Variants in STX8 observed in about 807,000 individuals in gnomAD.
STX8 encodes syntaxin-8.
A neutral mutation model predicts 37.5 loss-of-function variants in STX8; 23 were observed. That is an observed-to-expected ratio of 0.61 (90% CI 0.44 to 0.87). The LOEUF (loss-of-function observed/expected upper bound fraction) is 0.87. Ranked by LOEUF, STX8 falls within the 40% of genes least tolerant of loss-of-function variation. The pLI is 0.00. For synonymous variants in STX8, 115 were observed against 99.1 expected, an observed-to-expected ratio of 1.16 and a Z score of -0.95; for missense variants, 313 against 284.7, an observed-to-expected ratio of 1.10 and a Z score of -0.71.
intron 6 of STX8, among the ~76,000 whole-genome samples, chr17:9,442,867 T>C (rs1904717581): frequency 6.6e-6 from 1 of 152,170 alleles, no homozygotes; most frequent in African/African-American, 2.4e-5. Context: ...CCTAAGAACG[T>C]GTGAGATATC....
chr17:9,311,713 C>G (rs1354572084), intron 7 of STX8, among the ~76,000 whole-genome samples: 1 of 152,200 alleles, frequency 6.6e-6, no homozygotes, highest in Non-Finnish European at 1.5e-5. Context: ...GTTTCTTCAT[C>G]TGCGAATGTG....
At chr17:9,360,754 C>T (rs12936502) in intron 7 of STX8, among the ~76,000 whole-genome samples, 42,930 of 151,304 alleles carry the variant, frequency 0.28, 6,573 homozygotes, top group Middle Eastern at 0.37. Context: ...CGGGCTGTTT[C>T]GAGCGTGAAT....
At chr17:9,296,757 A>G (rs1327136850) in intron 7 of STX8, among the ~76,000 whole-genome samples, 1 of 152,156 alleles carries the variant, frequency 6.6e-6, no homozygotes, top group African/African-American at 2.4e-5. Context: ...GCCATGCAGT[A>G]TGATTTTAAT....
chr17:9,299,634 A>G (rs1908696048), intron 7 of STX8, among the ~76,000 whole-genome samples: 1 of 151,860 alleles, frequency 6.6e-6, no homozygotes, highest in Admixed American at 6.6e-5. Context: ...TAGTAGAGAC[A>G]GGGTTTCACC....
At chr17:9,286,460 C>T (rs902126807) in intron 7 of STX8, among the ~76,000 whole-genome samples, 6 of 152,088 alleles carry the variant, frequency 3.9e-5, no homozygotes, top group Non-Finnish European at 5.9e-5. Context: ...GTAGTACAAA[C>T]GGTTCTTTTT....
chr17:9,462,249 T>C (rs2142422276), intron 6 of STX8, among the ~76,000 whole-genome samples: 1 of 152,198 alleles, frequency 6.6e-6, no homozygotes, highest in East Asian at 1.9e-4. Flanking sequence ...GCATGAGACC[T>C]TCACCTAAGG....
intron 7 of STX8, among the ~76,000 whole-genome samples, chr17:9,258,769 C>G (rs756893653): frequency 6.6e-6 from 1 of 152,252 alleles, no homozygotes; most frequent in Non-Finnish European, 1.5e-5. Context: ...CAGGCTTCCT[C>G]TGTGGCTCCA....
chr17:9,324,223 G>A (rs1909681479), intron 7 of STX8, among the ~76,000 whole-genome samples: 1 of 151,738 alleles, frequency 6.6e-6, no homozygotes, highest in African/African-American at 2.4e-5. Flanking sequence ...TTTAATTAAG[G>A]AACTAGAGCA....
chr17:9,449,433 G>A (rs1000940387), intron 6 of STX8, among the ~76,000 whole-genome samples: 4 of 152,166 alleles, frequency 2.6e-5, no homozygotes, highest in Admixed American at 6.5e-5. Context: ...GGCGGCGGGC[G>A]CCTGTAGTCC....
chr17:9,287,883 T>A (rs775987631), intron 7 of STX8, among the ~76,000 whole-genome samples: 17 of 152,016 alleles, frequency 1.1e-4, no homozygotes, highest in Non-Finnish European at 2.1e-4. Context: ...CCCAAGTAGC[T>A]GGGATTACAG....
Position 9,557,506 on chromosome 17 carries a change from A to G in STX8, c.140T>C (p.Leu47Ser), listed in dbSNP as rs146665510. The G allele has an allele frequency of 2.7e-5, 44 of 1,614,122 alleles. 1 individual carries two copies. The African/African-American group carries it at 3.1e-4, about 11-fold the overall frequency. Residue 47 changes from leucine to serine, a missense_variant, in exon 3 of 8, where the codon TTG (leucine) becomes TCG (serine). Transcript: ENST00000306357. ...GATCTTTTCCTTCAGGTTCTGCAAC[A>G]AAGCTCTGATTGTCACGGTAAGCTG... ...APKLTVTIRALLQNLKEKIAL... is the reference protein window; with the variant it reads ...APKLTVTIRASLQNLKEKIAL...
intron 6 of STX8, among the ~76,000 whole-genome samples, chr17:9,482,006 T>TA (rs1327057480): frequency 6.6e-6 from 1 of 152,080 alleles, no homozygotes; most frequent in Non-Finnish European, 1.5e-5. Flanking sequence ...ACCTAGACTT[T>TA]AACAAAAAGA....
chr17:9,393,709 A>C (rs1468417050), intron 6 of STX8, among the ~76,000 whole-genome samples: 1 of 152,234 alleles, frequency 6.6e-6, no homozygotes, highest in Non-Finnish European at 1.5e-5. Flanking sequence ...ACAAAATAGA[A>C]AAATAAAAAA....
intron 6 of STX8, among the ~76,000 whole-genome samples, chr17:9,473,284 G>T (rs1243992402): frequency 6.6e-6 from 1 of 152,110 alleles, no homozygotes; most frequent in East Asian, 1.9e-4. Context: ...CTCCCAAAGT[G>T]CTGGGATTAC....
intron 6 of STX8, among the ~76,000 whole-genome samples, chr17:9,476,826 G>A (rs989060868): frequency 1.3e-5 from 2 of 151,804 alleles, no homozygotes; most frequent in African/African-American, 4.8e-5. Context: ...CCCTCTGCAT[G>A]TGTCTGTGTC....
At chr17:9,442,240 C>T (rs1904690316) in intron 6 of STX8, among the ~76,000 whole-genome samples, 1 of 152,178 alleles carries the variant, frequency 6.6e-6, no homozygotes, top group Non-Finnish European at 1.5e-5. Context: ...TAAAACCTCC[C>T]CTCCATCCAT....
At position 9,444,950 on chromosome 17, in the gene STX8, C is replaced by A. The variant is rs562104569; in HGVS notation, c.541+46879G>T. On this transcript the variant is annotated intron_variant, in intron 6 of 7. Transcript: ENST00000306357. ...GTTGCCGTCTAACACAGATTGATCA[C>A]CAGCTGGGAAGCAAGTCATTCCACC... Among the ~76,000 whole-genome samples, 68 of 152,302 alleles carry A rather than the reference C, an allele frequency of 4.5e-4. 1 individual carries two copies. In the Middle Eastern group the frequency reaches 0.017, roughly 38 times the overall value.
chr17:9,342,290 G>A (rs1463473121), intron 7 of STX8, among the ~76,000 whole-genome samples: 1 of 152,132 alleles, frequency 6.6e-6, no homozygotes, highest in Non-Finnish European at 1.5e-5. Context: ...CCACAGACCG[G>A]TACCAGTCCT....
intron 6 of STX8, among the ~76,000 whole-genome samples, chr17:9,413,894 C>T (rs1160639318): frequency 6.6e-6 from 1 of 152,086 alleles, no homozygotes; most frequent in Non-Finnish European, 1.5e-5. Flanking sequence ...ATCCATCGAT[C>T]CATCCATCCA....
Sources: gnomAD v4.1 joint callset for allele counts (sites outside exome capture counted in the v4.1 genomes callset) on GRCh38, gnomAD v4.1.1 for gene constraint, MANE v1.5 for transcripts, NCBI Gene and HGNC (gene_info 2026-07-23, HGNC 2026-07-21) for gene names.